DDX10: variants seen among roughly 807,000 people sequenced by gnomAD.
DDX10 encodes the protein DEAD-box helicase 10.
Under a neutral mutation model 104.3 loss-of-function variants are expected in DDX10, and 74 were observed. That is an observed-to-expected ratio of 0.71 (90% CI 0.59 to 0.86). The LOEUF is 0.86. Among genes scored for constraint, DDX10 ranks in the 40% least tolerant of loss-of-function variants. DDX10 has a pLI of 0.00. For missense variants in DDX10, 952 were observed against 1,040.0 expected, an observed-to-expected ratio of 0.92 and a Z score of 1.16; for synonymous variants, 351 against 353.4, an observed-to-expected ratio of 0.99 and a Z score of 0.08.
At chr11:108,688,871 T>C in intron 6 of DDX10, 65 bp from the exon 7 acceptor site, 1 of 1,544,232 alleles carries the variant, frequency 6.5e-7, no homozygotes, top group Non-Finnish European at 8.8e-7. Flanking sequence ...GTTTCCTTTT[T>C]TGGTCTGGAT....
At chr11:108,782,965 C>G (rs1306938927) in intron 13 of DDX10, among the ~76,000 whole-genome samples, 2 of 152,178 alleles carry the variant, frequency 1.3e-5, no homozygotes, top group African/African-American at 4.8e-5. Context: ...TATTCTTCAC[C>G]CACATATGCT....
rs541246002 is a variant in DDX10, at chr11:108,855,557, T to C, written c.2304+3348T>C. On this transcript the variant is annotated intron_variant, in intron 16 of 17. Coordinates refer to ENST00000322536, the MANE Select transcript of DDX10 (RefSeq NM_004398.4). Reference sequence around the variant, plus strand: ...CCACTGCAACCTCCGCCTCCCAGGTTCAAGCGATTCTCCTGCCTCAGCCTC... The same window carrying C: ...CCACTGCAACCTCCGCCTCCCAGGTCCAAGCGATTCTCCTGCCTCAGCCTC... 2.0e-3 allele frequency among the ~76,000 whole-genome samples: 305 copies of C among 152,282 alleles called. 2 individuals carry two copies. The highest frequency in any genetic ancestry group is 3.0e-3 in the Non-Finnish European group (206 of 68,020).
chr11:108,718,588 A>G (rs1397087554), intron 11 of DDX10, among the ~76,000 whole-genome samples: 2 of 152,192 alleles, frequency 1.3e-5, no homozygotes, highest in African/African-American at 2.4e-5. Context: ...CATTGGAAAG[A>G]TGTTTTTTCA....
chr11:108,742,276 A>G (rs1286520222), intron 13 of DDX10, among the ~76,000 whole-genome samples: 1 of 145,220 alleles, frequency 6.9e-6, no homozygotes, highest in South Asian at 2.2e-4. Flanking sequence ...AAAACAAAAC[A>G]AAAAAAAAAC....
intron 7 of DDX10, 86 bp downstream of exon 7, chr11:108,689,148 A>ACTTCT: frequency 1.4e-6 from 2 of 1,422,038 alleles, no homozygotes; most frequent in Non-Finnish European, 2.0e-6. Flanking sequence ...ATTATATTGT[A>ACTTCT]CGAGAAGTAC....
At chr11:108,745,187 CCCTT>C (rs1434551524) in intron 13 of DDX10, among the ~76,000 whole-genome samples, 1 of 141,404 alleles carries the variant, frequency 7.1e-6, no homozygotes. Context: ...CCCTCCCCTC[CCCTT>C]CCTTCCCTTT....
At chr11:108,668,389 C>T (rs769090180) in intron 1 of DDX10, among the ~76,000 whole-genome samples, 24 of 152,230 alleles carry the variant, frequency 1.6e-4, no homozygotes, top group East Asian at 9.6e-4. Flanking sequence ...CTTTTTCCCC[C>T]GCTAAGCATT....
intron 9 of DDX10, among the ~76,000 whole-genome samples, chr11:108,694,392 T>A (rs2094256859): frequency 6.6e-6 from 1 of 152,190 alleles, no homozygotes; most frequent in Non-Finnish European, 1.5e-5. Context: ...GATCTTGTGC[T>A]CTTACCTTCT....
chr11:108,721,796 A>G (rs1262062420), intron 12 of DDX10, among the ~76,000 whole-genome samples: 5 of 152,200 alleles, frequency 3.3e-5, no homozygotes, highest in African/African-American at 1.2e-4. Flanking sequence ...TGTGCAGGTC[A>G]TTGTACTAGA....
rs1862637627 is a variant in DDX10, at chr11:108,841,458, A to G, written c.2229A>G (p.Lys743=). 6.2e-7 allele frequency: 1 copy of G among 1,613,890 alleles called. No homozygotes were observed. Among genetic ancestry groups the G allele is most frequent in the East Asian group, 2.2e-5 (1 of 44,868 alleles). The change falls in exon 15 of 18, where the codon AAA becomes AAG. Residue 743 remains lysine, a synonymous_variant. Transcript: ENST00000322536. ...DKFDKEEYRK[K]IKAKHREKRL... ...TTGACAAAGAAGAATATAGGAAAAA[A>G]ATTAAGGCAAAGCATCGGGTAAGCT... is the stretch of plus-strand genomic sequence containing the variant.
chr11:108,677,537 A>G (rs151114898), intron 4 of DDX10, among the ~76,000 whole-genome samples: 372 of 152,054 alleles, frequency 2.4e-3, no homozygotes, highest in African/African-American at 8.4e-3. Flanking sequence ...AGATATTTCC[A>G]TATATGAACT....
intron 17 of DDX10, among the ~76,000 whole-genome samples, chr11:108,933,766 A>G (rs1311578316): frequency 6.6e-6 from 1 of 152,216 alleles, no homozygotes; most frequent in Admixed American, 6.5e-5. Context: ...CTGGCTTAAA[A>G]TGAATCATCT....
chr11:108,819,747 T>C (rs2726872), intron 13 of DDX10, among the ~76,000 whole-genome samples: 152,121 of 152,172 alleles, frequency 1, 76,035 homozygotes, highest in Middle Eastern at 1. Context: ...TACAGGTGCC[T>C]GCCACCACGC....
At chr11:108,906,353 G>A (rs1407347606) in intron 16 of DDX10, among the ~76,000 whole-genome samples, 1 of 152,184 alleles carries the variant, frequency 6.6e-6, no homozygotes, top group African/African-American at 2.4e-5. Flanking sequence ...AGAGAAAGCA[G>A]GAGGGGTCCT....
intron 13 of DDX10, among the ~76,000 whole-genome samples, chr11:108,733,726 C>T (rs1043282631): frequency 3.3e-5 from 5 of 152,056 alleles, no homozygotes; most frequent in East Asian, 1.9e-4. Flanking sequence ...TGCCATTCTG[C>T]CCCCAGATTC....
At chr11:108,897,484 C>G (rs1478382034) in intron 16 of DDX10, among the ~76,000 whole-genome samples, 1 of 151,972 alleles carries the variant, frequency 6.6e-6, no homozygotes, top group Non-Finnish European at 1.5e-5. Flanking sequence ...TTTTCTTTCC[C>G]CTTTTGTGTT....
At chr11:108,686,184 A>G (rs1024113576) in intron 6 of DDX10, among the ~76,000 whole-genome samples, 1 of 152,186 alleles carries the variant, frequency 6.6e-6, no homozygotes, top group African/African-American at 2.4e-5. Context: ...AGCCTCTGCC[A>G]TTATCAACAC....
chr11:108,888,958 C>A (rs1863338862), intron 16 of DDX10, among the ~76,000 whole-genome samples: 2 of 152,006 alleles, frequency 1.3e-5, no homozygotes, highest in Non-Finnish European at 2.9e-5. Context: ...AACAGCATGG[C>A]CAAGGTATTT....
chr11:108,886,998 C>G (rs886704946), intron 16 of DDX10, among the ~76,000 whole-genome samples: 1 of 152,134 alleles, frequency 6.6e-6, no homozygotes, highest in Non-Finnish European at 1.5e-5. Context: ...TAGTCACCAT[C>G]CTTCTCTATT....
Sources: gnomAD v4.1 joint callset for allele counts (sites outside exome capture counted in the v4.1 genomes callset) on GRCh38, gnomAD v4.1.1 for gene constraint, MANE v1.5 for transcripts, NCBI Gene and HGNC (gene_info 2026-07-23, HGNC 2026-07-21) for gene names.